PLCL1: variants seen among roughly 807,000 people sequenced by gnomAD.
The protein encoded by PLCL1 is phospholipase C like 1 (inactive).
A neutral mutation model predicts 84.4 loss-of-function variants in PLCL1; 41 were observed. The observed-to-expected ratio is 0.49, with a 90% CI of 0.38 to 0.63. The LOEUF (loss-of-function observed/expected upper bound fraction) is 0.63, where lower values mean the gene tolerates loss of function less well. Ranked by LOEUF, PLCL1 falls within the 30% of genes least tolerant of loss-of-function variation. The probability of loss-of-function intolerance (pLI) is 0.00; values close to 1 mark genes in which losing one functional copy is unlikely to be tolerated. For synonymous variants in PLCL1, 490 were observed against 488.3 expected (o/e 1.00, Z -0.05); for missense variants, 1,206 against 1,367.8 (o/e 0.88, Z 1.87).
At chr2:197,809,837 T>C (rs1384957874) in intron 1 of PLCL1, among the ~76,000 whole-genome samples, 1 of 151,900 alleles carries the variant, frequency 6.6e-6, no homozygotes, top group African/African-American at 2.4e-5. Flanking sequence ...TGTGTGTGTG[T>C]GTGTTTAAAT....
Position 197,922,507 on chromosome 2 carries a change from C to T in PLCL1, c.240+117168C>T, listed in dbSNP as rs1400322471. Among the ~76,000 whole-genome samples, 12 of 117,502 alleles carry T rather than the reference C, an allele frequency of 1.0e-4. 1 individual carries two copies. In the East Asian group the frequency reaches 1.8e-3, roughly 18 times the overall value. 77.1% of individuals were successfully genotyped at this position (117,502 alleles called of 152,430 possible). ...CAAAGCCGCCATTGTCATCCTGGCC[C>T]GTTCTCAATGAGCTGTTGGGCACAC... On this transcript the variant is annotated intron_variant, in intron 1 of 5. Coordinates refer to ENST00000428675, the MANE Select transcript of PLCL1 (RefSeq NM_006226.4).
intron 1 of PLCL1, among the ~76,000 whole-genome samples, chr2:197,820,387 G>T (rs1690792711): frequency 6.6e-6 from 1 of 151,990 alleles, no homozygotes. Context: ...AGTGTAATGG[G>T]GTATGTATGC....
chr2:197,926,517 C>A lies in PLCL1; in HGVS notation c.240+121178C>A, dbSNP rs140459532. On this transcript the variant is annotated intron_variant, in intron 1 of 5. Coordinates refer to ENST00000428675, the MANE Select transcript of PLCL1 (RefSeq NM_006226.4). The stretch of plus-strand genomic sequence containing the variant: ...GCTTTCAAACTCAAATTATAATTTA[C>A]GTGATATTTAAAAAATTTGTCTCTT... 6.6e-3 allele frequency among the ~76,000 whole-genome samples: 1,009 copies of A among 152,216 alleles called. 11 individuals carry two copies. Among genetic ancestry groups the A allele is most frequent in the South Asian group, 0.017 (81 of 4,828 alleles).
chr2:197,990,539 C>A (rs937929631), intron 1 of PLCL1, among the ~76,000 whole-genome samples: 1 of 152,178 alleles, frequency 6.6e-6, no homozygotes, highest in African/African-American at 2.4e-5. Context: ...GGAGCAAAGG[C>A]ACATCTTACA....
chr2:198,133,442 G>A (rs1295338287), intron 5 of PLCL1, among the ~76,000 whole-genome samples: 3 of 150,420 alleles, frequency 2.0e-5, no homozygotes, highest in African/African-American at 7.3e-5. Flanking sequence ...CGAGTTAGTG[G>A]GTGCAGCGCA....
intron 5 of PLCL1, among the ~76,000 whole-genome samples, chr2:198,134,147 T>C (rs1195328445): frequency 6.6e-6 from 1 of 152,102 alleles, no homozygotes; most frequent in African/African-American, 2.4e-5. Context: ...TATAAAAAGT[T>C]GGAGGAAAAA....
chr2:198,088,367 AGACTGTAACATGGACAAAT>A (rs1251994874), intron 2 of PLCL1, among the ~76,000 whole-genome samples: 1 of 152,160 alleles, frequency 6.6e-6, no homozygotes, highest in Non-Finnish European at 1.5e-5. Flanking sequence ...TTTTTTGAAA[AGACTGTAACATGGACAAAT>A]GTAGCTCTAC....
chr2:197,837,900 T>C (rs183575386), intron 1 of PLCL1, among the ~76,000 whole-genome samples: 1 of 152,314 alleles, frequency 6.6e-6, no homozygotes, highest in East Asian at 1.9e-4. Flanking sequence ...TGTTTGAAAT[T>C]GGGGGCTCCT....
chr2:197,931,699 C>CCCCA (rs1688938074), intron 1 of PLCL1, among the ~76,000 whole-genome samples: 1 of 126,184 alleles, frequency 7.9e-6, no homozygotes, highest in Non-Finnish European at 1.7e-5. Context: ...CACCCACCCA[C>CCCCA]CCAACCATCC....
At chr2:198,062,998 G>C (rs1365029579) in intron 1 of PLCL1, among the ~76,000 whole-genome samples, 1 of 152,192 alleles carries the variant, frequency 6.6e-6, no homozygotes, top group Non-Finnish European at 1.5e-5. Flanking sequence ...GGTCCTTGGT[G>C]ATGCTGTTGC....
chr2:198,013,142 G>T (rs185401543), intron 1 of PLCL1, among the ~76,000 whole-genome samples: 1 of 152,148 alleles, frequency 6.6e-6, no homozygotes, highest in Non-Finnish European at 1.5e-5. Flanking sequence ...TGATATGGTT[G>T]GCTTTGCACT....
intron 1 of PLCL1, among the ~76,000 whole-genome samples, chr2:197,987,414 T>C (rs1690240303): frequency 6.6e-6 from 1 of 152,222 alleles, no homozygotes; most frequent in African/African-American, 2.4e-5. Context: ...TTGTCTCCTT[T>C]GGAGGGGGCA....
intron 1 of PLCL1, among the ~76,000 whole-genome samples, chr2:198,080,082 A>G (rs1224620728): frequency 6.6e-6 from 1 of 152,188 alleles, no homozygotes; most frequent in Non-Finnish European, 1.5e-5. Flanking sequence ...GTTTATAAAA[A>G]TCTCCTGGAA....
intron 1 of PLCL1, among the ~76,000 whole-genome samples, chr2:197,924,163 G>C (rs1688788053): frequency 6.8e-6 from 1 of 146,490 alleles, no homozygotes; most frequent in Non-Finnish European, 1.5e-5. Context: ...GAGGGAGAGG[G>C]AGAGGGAGAG....
rs1252248545 is a variant in PLCL1, at chr2:198,057,620, G to A, written c.241-26138G>A. On this transcript the variant is annotated intron_variant, in intron 1 of 5. Coordinates refer to ENST00000428675, the MANE Select transcript of PLCL1 (RefSeq NM_006226.4). ...AATTTGTGTACTTTTCTGTATATATGCTCACTTCAATAAAAAGTTACTTAT... is the reference window on the plus strand; with the variant it reads ...AATTTGTGTACTTTTCTGTATATATACTCACTTCAATAAAAAGTTACTTAT... Among the ~76,000 whole-genome samples, 4 of 152,246 alleles carry A rather than the reference G, an allele frequency of 2.6e-5. No homozygotes were observed. In the East Asian group the frequency reaches 5.8e-4, roughly 22 times the overall value.
At chr2:197,844,457 A>G (rs1687080870) in intron 1 of PLCL1, among the ~76,000 whole-genome samples, 2 of 152,076 alleles carry the variant, frequency 1.3e-5, no homozygotes, top group African/African-American at 4.8e-5. Context: ...GTTTATTTTT[A>G]TGGGTGTTCA....
chr2:197,906,964 C>T (rs909691860), intron 1 of PLCL1, among the ~76,000 whole-genome samples: 9 of 152,108 alleles, frequency 5.9e-5, no homozygotes, highest in African/African-American at 2.2e-4. Context: ...AGTTTTTGGG[C>T]TGAGATGCTG....
chr2:198,125,539 T>A (rs1693964692), intron 5 of PLCL1, among the ~76,000 whole-genome samples: 1 of 152,152 alleles, frequency 6.6e-6, no homozygotes, highest in African/African-American at 2.4e-5. Context: ...AATTCCCATT[T>A]TTTTTCAAGT....
At chr2:197,919,126 T>C (rs1444545448) in intron 1 of PLCL1, among the ~76,000 whole-genome samples, 1 of 152,190 alleles carries the variant, frequency 6.6e-6, no homozygotes, top group East Asian at 1.9e-4. Context: ...GATATATTTA[T>C]AGATCAAAAA....
Sources: gnomAD v4.1 joint callset for allele counts (sites outside exome capture counted in the v4.1 genomes callset) on GRCh38, gnomAD v4.1.1 for gene constraint, MANE v1.5 for transcripts, NCBI Gene and HGNC (gene_info 2026-07-23, HGNC 2026-07-21) for gene names.